CSMD3: variants seen among roughly 807,000 people sequenced by gnomAD.
CSMD3 encodes the protein CUB and Sushi multiple domains 3.
CSMD3 carries 177 observed loss-of-function variants against 435.2 expected under a neutral mutation model. The observed-to-expected ratio is 0.41, with a 90% confidence interval of 0.36 to 0.46. The LOEUF (loss-of-function observed/expected upper bound fraction) is 0.46. Among genes scored for constraint, CSMD3 ranks in the 20% least tolerant of loss-of-function variants. CSMD3 has a pLI of 0.34. For missense variants in CSMD3, 4,265 were observed against 4,504.6 expected (o/e 0.95, Z 1.52); for synonymous variants, 1,656 against 1,520.5 (o/e 1.09, Z -2.07).
At chr8:112,631,799 T>TA (rs937142779) in intron 22 of CSMD3, among the ~76,000 whole-genome samples, 9 of 151,190 alleles carry the variant, frequency 6.0e-5, no homozygotes, top group Non-Finnish European at 8.9e-5. Flanking sequence ...TCTTTCATCT[T>TA]AAAAAAAAAT....
intron 19 of CSMD3, 78 bp downstream of exon 19, chr8:112,650,083 G>T: frequency 9.7e-7 from 1 of 1,027,140 alleles, no homozygotes; most frequent in Non-Finnish European, 1.5e-6. Flanking sequence ...TTATAATTAT[G>T]TTAAACCCCA....
At chr8:112,244,612 A>T in intron 64 of CSMD3, 39 bp from the exon 65 acceptor site, 4 of 1,572,042 alleles carry the variant, frequency 2.5e-6, no homozygotes, top group Non-Finnish European at 2.6e-6. Flanking sequence ...TTTTCTATAG[A>T]TATGTTAAGA....
At chr8:112,364,360 T>C (rs1827554411) in intron 38 of CSMD3, among the ~76,000 whole-genome samples, 1 of 151,894 alleles carries the variant, frequency 6.6e-6, no homozygotes, top group East Asian at 1.9e-4. Flanking sequence ...TGGTAACATG[T>C]ACCTTTGCCT....
chr8:113,096,341 G>T (rs2090161896), intron 5 of CSMD3, among the ~76,000 whole-genome samples: 1 of 152,048 alleles, frequency 6.6e-6, no homozygotes, highest in South Asian at 2.1e-4. Flanking sequence ...GTATTAGCAG[G>T]TTATTAGAGA....
chr8:112,630,492 G>A (rs1480464187), intron 22 of CSMD3, among the ~76,000 whole-genome samples: 1 of 152,074 alleles, frequency 6.6e-6, no homozygotes, highest in Non-Finnish European at 1.5e-5. Flanking sequence ...GGTATGTGAA[G>A]TGAAATATTT....
intron 58 of CSMD3, among the ~76,000 whole-genome samples, chr8:112,283,067 A>G (rs746789488): frequency 1.3e-5 from 2 of 152,078 alleles, no homozygotes; most frequent in Non-Finnish European, 2.9e-5. Flanking sequence ...TATTAACATC[A>G]CCACCATTTC....
intron 3 of CSMD3, among the ~76,000 whole-genome samples, chr8:113,187,136 G>C (rs1383297): frequency 0.37 from 56,575 of 151,214 alleles, 11,228 homozygotes; most frequent in East Asian, 0.69. Flanking sequence ...CACTTTGCTG[G>C]GAGTTTTTTT....
intron 2 of CSMD3, among the ~76,000 whole-genome samples, chr8:113,306,273 T>A (rs1314291122): frequency 6.6e-6 from 1 of 152,124 alleles, no homozygotes; most frequent in African/African-American, 2.4e-5. Context: ...TTTTATTATA[T>A]AAGAGAGAGA....
intron 27 of CSMD3, among the ~76,000 whole-genome samples, chr8:112,545,232 C>T (rs1422532762): frequency 2.0e-5 from 3 of 152,006 alleles, no homozygotes; most frequent in African/African-American, 7.2e-5. Context: ...GCCTGTAATC[C>T]CAGCACTTGG....
chr8:113,335,261 G>T (rs1316054337), intron 1 of CSMD3, among the ~76,000 whole-genome samples: 1 of 151,972 alleles, frequency 6.6e-6, no homozygotes, highest in African/African-American at 2.4e-5. Context: ...ACAGAATCAT[G>T]AGCCAATTAA....
chr8:112,366,549 C>G (rs553652786), intron 38 of CSMD3, among the ~76,000 whole-genome samples: 26 of 152,252 alleles, frequency 1.7e-4, no homozygotes, highest in African/African-American at 6.0e-4. Context: ...AAGTGCATGA[C>G]AGTATGCCTG....
At chr8:113,137,531 GA>G (rs1234104748) in intron 4 of CSMD3, among the ~76,000 whole-genome samples, 2 of 151,380 alleles carry the variant, frequency 1.3e-5, no homozygotes, top group Admixed American at 6.6e-5. Context: ...CATAGTTTTG[GA>G]GTCTCAGAAA....
chr8:112,813,030 C>A (rs768829094), intron 12 of CSMD3, among the ~76,000 whole-genome samples: 2 of 152,282 alleles, frequency 1.3e-5, no homozygotes, highest in Non-Finnish European at 2.9e-5. Context: ...AAAACGAGTT[C>A]TTGTCACACG....
chr8:112,869,477 G>A (rs1564045866), intron 10 of CSMD3, among the ~76,000 whole-genome samples: 1 of 152,110 alleles, frequency 6.6e-6, no homozygotes, highest in Non-Finnish European at 1.5e-5. Flanking sequence ...GCAGTGTGGT[G>A]TTTCCTCAAG....
At chr8:112,723,547 T>C (rs1481385699) in intron 13 of CSMD3, among the ~76,000 whole-genome samples, 1 of 152,172 alleles carries the variant, frequency 6.6e-6, no homozygotes, top group African/African-American at 2.4e-5. Context: ...AGTGGGGCTA[T>C]TATTTTTCAT....
At chr8:112,869,988 G>A (rs1159276181) in intron 10 of CSMD3, among the ~76,000 whole-genome samples, 1 of 152,106 alleles carries the variant, frequency 6.6e-6, no homozygotes, top group Non-Finnish European at 1.5e-5. Flanking sequence ...CATGGCACAT[G>A]TATAACTATG....
At chr8:113,000,601 A>C (rs2085826578) in intron 6 of CSMD3, among the ~76,000 whole-genome samples, 1 of 152,084 alleles carries the variant, frequency 6.6e-6, no homozygotes, top group Non-Finnish European at 1.5e-5. Context: ...TGTATCTGTC[A>C]ATGAAGAAAA....
chr8:112,387,297 T>C (rs998924633), intron 36 of CSMD3, among the ~76,000 whole-genome samples: 2 of 152,218 alleles, frequency 1.3e-5, no homozygotes, highest in Non-Finnish European at 2.9e-5. Flanking sequence ...TCAAGAATGA[T>C]TATCCCACTT....
intron 32 of CSMD3, among the ~76,000 whole-genome samples, chr8:112,409,307 G>C (rs189754567): frequency 6.6e-6 from 1 of 151,892 alleles, no homozygotes; most frequent in East Asian, 1.9e-4. Flanking sequence ...ATTTGGATCA[G>C]AAATCATAAA....
Sources: allele counts gnomAD v4.1 joint callset (sites outside exome capture counted in the v4.1 genomes callset), GRCh38; gene constraint gnomAD v4.1.1; transcripts MANE v1.5; gene names NCBI Gene and HGNC (gene_info 2026-07-23, HGNC 2026-07-21).